SUGCT: variants seen among roughly 807,000 people sequenced by gnomAD.
SUGCT encodes succinyl-CoA:glutarate CoA-transferase.
A neutral mutation model predicts 55.0 loss-of-function variants in SUGCT; 41 were observed. That is an observed-to-expected ratio of 0.74 (90% confidence interval 0.58 to 0.97). SUGCT has a LOEUF of 0.97. Among genes scored for constraint, SUGCT ranks in the 50% least tolerant of loss-of-function variants. The pLI is 0.00. For synonymous variants in SUGCT, 187 were observed against 200.4 expected (o/e 0.93, Z 0.56); for missense variants, 568 against 547.8 (o/e 1.04, Z -0.37).
chr7:40,457,211 G>C (rs1334716074), intron 10 of SUGCT, among the ~76,000 whole-genome samples: 2 of 151,924 alleles, frequency 1.3e-5, no homozygotes, highest in Non-Finnish European at 2.9e-5. Context: ...AGGCCGAAGT[G>C]GGCAGATCAT....
At chr7:40,539,830 C>G (rs1189583220) in intron 12 of SUGCT, 2 of 152,180 alleles carry the variant, frequency 1.3e-5, no homozygotes, top group Non-Finnish European at 1.5e-5. Flanking sequence ...TAACTAAATA[C>G]CAGTAGTAAC....
At chr7:40,839,806 A>T (rs1227387414) in intron 13 of SUGCT, among the ~76,000 whole-genome samples, 2 of 79,576 alleles carry the variant, frequency 2.5e-5, no homozygotes, top group Non-Finnish European at 2.5e-5. Context: ...AATGAAACAG[A>T]ACATTCAATA....
intron 9 of SUGCT, among the ~76,000 whole-genome samples, chr7:40,446,393 T>A (rs1562783527): frequency 6.6e-6 from 1 of 152,162 alleles, no homozygotes; most frequent in Non-Finnish European, 1.5e-5. Flanking sequence ...TTCACAGTTG[T>A]CAATGGTTCC....
rs1280192392 is a variant in SUGCT at position 40,195,039 on chromosome 7, A to G, written c.463A>G (p.Ile155Val). ...AGATATAGACGAGATTGCTCCTCAC[A>G]TCATCTATTGTTCCATCACAGGTAT... The part of the protein sequence containing the change: ...YEDIDEIAPH[I>V]IYCSITGYGQ... The change falls in exon 6 of 14, where the codon ATC (isoleucine) becomes GTC (valine). Residue 155 changes from isoleucine to valine, a missense_variant. By Grantham distance (29) the Ile-to-Val change is conservative. Transcript: ENST00000335693. 4 of 1,613,612 alleles carry G rather than the reference A, an allele frequency of 2.5e-6. No homozygotes were observed. Among genetic ancestry groups the G allele is most frequent in the Middle Eastern group, 1.7e-4 (1 of 6,060 alleles).
intron 8 of SUGCT, among the ~76,000 whole-genome samples, chr7:40,303,619 G>T (rs1204754490): frequency 6.6e-6 from 1 of 152,104 alleles, no homozygotes; most frequent in Non-Finnish European, 1.5e-5. Context: ...GAGTAGATGG[G>T]ATTACAGGCG....
chr7:40,899,112 G>C, the SUGCT span, among the ~76,000 whole-genome samples: 1 of 152,090 alleles, frequency 6.6e-6, no homozygotes, highest in Non-Finnish European at 1.5e-5. Flanking sequence ...ACCTCTGATA[G>C]GAGGGAAGGA....
intron 11 of SUGCT, among the ~76,000 whole-genome samples, chr7:40,490,825 A>ATT (rs34412497): frequency 1.3e-5 from 2 of 151,844 alleles, no homozygotes; most frequent in African/African-American, 2.4e-5. Flanking sequence ...TGAAATGTGA[A>ATT]TTTTTTTTCC....
chr7:40,394,704 C>T (rs1482473293), intron 9 of SUGCT, among the ~76,000 whole-genome samples: 2 of 152,234 alleles, frequency 1.3e-5, no homozygotes, highest in African/African-American at 4.8e-5. Flanking sequence ...CCACCAGTCC[C>T]TGGTAACCAC....
intron 13 of SUGCT, among the ~76,000 whole-genome samples, chr7:40,847,526 C>T (rs1489942751): frequency 6.7e-6 from 1 of 149,152 alleles, no homozygotes; most frequent in African/African-American, 2.5e-5. Context: ...AAGCGATTCT[C>T]CTGCTTTAGC....
intron 9 of SUGCT, among the ~76,000 whole-genome samples, chr7:40,372,309 T>G (rs1784332939): frequency 1.3e-5 from 2 of 152,066 alleles, no homozygotes; most frequent in South Asian, 4.1e-4. Context: ...ACTGCAGATC[T>G]TAGACCCTAC....
At chr7:40,843,557 T>C (rs1011751969) in intron 13 of SUGCT, among the ~76,000 whole-genome samples, 4 of 147,612 alleles carry the variant, frequency 2.7e-5, no homozygotes, top group East Asian at 4.2e-4. Flanking sequence ...TGAGCAGAAA[T>C]GTGAAGGACG....
rs117838480 is a variant in SUGCT, at chr7:40,768,334, G to A, written c.1153+18837G>A. On this transcript the variant is annotated intron_variant, in intron 13 of 13. Coordinates refer to ENST00000335693, the MANE Select transcript of SUGCT (RefSeq NM_001193313.2). ...CTGCAGGAAGCCTCGGCTGCTTCCTGTGTCCCTGGAAAAGTTCTTGGGAGT... is the reference window on the plus strand; with the variant it reads ...CTGCAGGAAGCCTCGGCTGCTTCCTATGTCCCTGGAAAAGTTCTTGGGAGT... Among the ~76,000 whole-genome samples, 50 of 152,224 alleles carry A rather than the reference G, an allele frequency of 3.3e-4. 1 individual carries two copies. Among genetic ancestry groups the A allele is most frequent in the East Asian group, 1.4e-3 (7 of 5,172 alleles).
chr7:40,653,392 A>C (rs1800869847), intron 12 of SUGCT, among the ~76,000 whole-genome samples: 1 of 152,118 alleles, frequency 6.6e-6, no homozygotes, highest in Admixed American at 6.5e-5. Context: ...TCTTGAGCTT[A>C]TTATTTTTTT....
chr7:40,333,723 CA>C (rs1194351404), intron 9 of SUGCT, among the ~76,000 whole-genome samples: 4 of 116,054 alleles, frequency 3.4e-5, no homozygotes, highest in Non-Finnish European at 6.8e-5. Flanking sequence ...AAAATACACA[CA>C]TATATATAAT....
chr7:40,185,671 T>G (rs1043988123), intron 3 of SUGCT, among the ~76,000 whole-genome samples: 3 of 152,172 alleles, frequency 2.0e-5, no homozygotes, highest in African/African-American at 7.2e-5. Flanking sequence ...TACAGGCATA[T>G]GCCATCACCC....
intron 12 of SUGCT, among the ~76,000 whole-genome samples, chr7:40,653,809 A>G (rs1270200976): frequency 6.6e-6 from 1 of 152,214 alleles, no homozygotes; most frequent in Non-Finnish European, 1.5e-5. Context: ...TCTATTAAGT[A>G]GCAGAAAAAT....
chr7:40,409,586 A>C (rs1336449251), intron 9 of SUGCT, among the ~76,000 whole-genome samples: 1 of 152,082 alleles, frequency 6.6e-6, no homozygotes, highest in African/African-American at 2.4e-5. Flanking sequence ...ACCTCAGTTC[A>C]ATTCTATTGT....
Position 40,448,214 on chromosome 7 carries a change from TTCCCTCCC to T in SUGCT, c.817-1047_817-1040del, listed in dbSNP as rs373133382. Among the ~76,000 whole-genome samples the T allele has an allele frequency of 3.1e-4, 31 of 100,792 alleles. 1 individual carries two copies. The highest frequency in any genetic ancestry group is 0.011 in the Middle Eastern group (2 of 188). 66.1% of individuals were successfully genotyped at this position (100,792 alleles called of 152,430 possible). The stretch of plus-strand genomic sequence containing the variant: ...AGGTCACTTTCCTTCCCTCTCCCAG[TTCCCTCCC>T]TCCCTCCCTCCCTCCCTCCCTCCCT... On this transcript the variant is annotated intron_variant, in intron 9 of 13. Coordinates refer to ENST00000335693, the MANE Select transcript of SUGCT (RefSeq NM_001193313.2).
chr7:40,718,523 C>T (rs186357244), intron 12 of SUGCT, among the ~76,000 whole-genome samples: 46 of 152,222 alleles, frequency 3.0e-4, no homozygotes, highest in African/African-American at 1.1e-3. Flanking sequence ...AAAGTCATAA[C>T]ATTTTGGCTA....
Sources: allele counts gnomAD v4.1 joint callset (sites outside exome capture counted in the v4.1 genomes callset), GRCh38; gene constraint gnomAD v4.1.1; transcripts MANE v1.5; gene names NCBI Gene and HGNC (gene_info 2026-07-23, HGNC 2026-07-21).